MGAT4C: variants seen among roughly 807,000 people sequenced by gnomAD.
MGAT4C encodes MGAT4 family member C, also known as alpha-1,3-mannosyl-glycoprotein 4-beta-N-acetylglucosaminyltransferase C.
A neutral mutation model predicts 40.1 loss-of-function variants in MGAT4C; 19 were observed. That is an observed-to-expected ratio of 0.47 (90% CI 0.33 to 0.70). The LOEUF is 0.70. Among genes scored for constraint, MGAT4C ranks in the 30% least tolerant of loss-of-function variants. MGAT4C has a pLI of 0.02. For synonymous variants in MGAT4C, 181 were observed against 187.1 expected, an observed-to-expected ratio of 0.97 and a Z score of 0.27; for missense variants, 491 against 563.2, an observed-to-expected ratio of 0.87 and a Z score of 1.30.
chr12:86,670,410 A>G (rs1181241063), intron 2 of MGAT4C, among the ~76,000 whole-genome samples: 1 of 152,158 alleles, frequency 6.6e-6, no homozygotes, highest in African/African-American at 2.4e-5. Context: ...AAATAAACAA[A>G]AAAACTCATT....
intron 2 of MGAT4C, among the ~76,000 whole-genome samples, chr12:86,580,610 A>G (rs554861589): frequency 6.6e-5 from 10 of 151,606 alleles, no homozygotes; most frequent in African/African-American, 2.2e-4. Flanking sequence ...ACTTAAATTC[A>G]TCCTTGCTCA....
At chr12:86,248,096 A>T (rs1482464573) in intron 1 of MGAT4C, among the ~76,000 whole-genome samples, 1 of 152,172 alleles carries the variant, frequency 6.6e-6, no homozygotes, top group Middle Eastern at 3.4e-3. Flanking sequence ...GAATTTCCTA[A>T]GGCTTCTTGA....
intron 2 of MGAT4C, among the ~76,000 whole-genome samples, chr12:86,664,488 G>A (rs1009814236): frequency 3.3e-5 from 5 of 152,110 alleles, no homozygotes; most frequent in African/African-American, 1.2e-4. Context: ...AGACAATTCT[G>A]TAAATGTGTG....
chr12:86,713,566 A>G (rs1343780493), intron 2 of MGAT4C, among the ~76,000 whole-genome samples: 1 of 152,104 alleles, frequency 6.6e-6, no homozygotes, highest in Admixed American at 6.6e-5. Flanking sequence ...TGCTACAAGA[A>G]AGGATAGTTT....
intron 3 of MGAT4C, among the ~76,000 whole-genome samples, chr12:86,362,311 G>A (rs1955494443): frequency 1.3e-5 from 2 of 152,126 alleles, no homozygotes; most frequent in Admixed American, 1.3e-4. Context: ...CACAGGGTGG[G>A]GAACATCGCC....
intron 1 of MGAT4C, among the ~76,000 whole-genome samples, chr12:86,771,959 G>A (rs1041170179): frequency 6.6e-5 from 10 of 152,054 alleles, no homozygotes; most frequent in South Asian, 2.1e-4. Flanking sequence ...CCTTCTCCTT[G>A]TTGCTTATGG....
At chr12:86,014,784 C>G (rs75717871) in intron 2 of MGAT4C, among the ~76,000 whole-genome samples, 1 of 151,732 alleles carries the variant, frequency 6.6e-6, no homozygotes, top group Non-Finnish European at 1.5e-5. Context: ...CAATGAGGAG[C>G]GCCAAGGAGT....
At chr12:86,488,719 C>A (rs1958072610) in intron 2 of MGAT4C, among the ~76,000 whole-genome samples, 2 of 152,118 alleles carry the variant, frequency 1.3e-5, no homozygotes, top group African/African-American at 4.8e-5. Context: ...CACCCAAGAA[C>A]TTTCAAGCAT....
chr12:86,005,479 TA>T (rs1289385536), intron 2 of MGAT4C, among the ~76,000 whole-genome samples: 2 of 152,174 alleles, frequency 1.3e-5, no homozygotes, highest in African/African-American at 4.8e-5. Flanking sequence ...GTTAACTTTA[TA>T]ATAAGGAACA....
At position 86,694,208 on chromosome 12, in the gene MGAT4C, CT is replaced by C. The variant is rs529155793; in HGVS notation, c.-229+33000del. On this transcript the variant is annotated intron_variant, in intron 2 of 7. Coordinates refer to the MGAT4C transcript ENST00000548651. ...TATTTCAGATCTTCTTTTCTCTGCC[CT>C]AGTTACCACCTCTACATCAATTACC... 1.4e-3 allele frequency among the ~76,000 whole-genome samples: 208 copies of C among 152,162 alleles called. 1 individual carries two copies. The highest frequency in any genetic ancestry group is 4.9e-3 in the African/African-American group (202 of 41,550).
chr12:86,225,630 G>C (rs1951044808), intron 1 of MGAT4C, among the ~76,000 whole-genome samples: 1 of 151,996 alleles, frequency 6.6e-6, no homozygotes, highest in Non-Finnish European at 1.5e-5. Context: ...CAGATACAAG[G>C]GTGGTTCAAC....
At chr12:86,324,264 A>G (rs1312293785) in intron 4 of MGAT4C, among the ~76,000 whole-genome samples, 1 of 151,932 alleles carries the variant, frequency 6.6e-6, no homozygotes, top group Non-Finnish European at 1.5e-5. Flanking sequence ...GGTAGATAGC[A>G]CTGTTTAATA....
intron 2 of MGAT4C, among the ~76,000 whole-genome samples, chr12:86,553,278 G>A (rs986401350): frequency 2.6e-5 from 4 of 152,072 alleles, no homozygotes; most frequent in Middle Eastern, 3.4e-3. Context: ...ATTCTATATT[G>A]ACCTTGGGCC....
At chr12:86,590,001 C>A (rs1961254881) in intron 2 of MGAT4C, among the ~76,000 whole-genome samples, 1 of 151,838 alleles carries the variant, frequency 6.6e-6, no homozygotes, top group South Asian at 2.1e-4. Flanking sequence ...CTTCTAGAAG[C>A]ATAAAATTAA....
intron 1 of MGAT4C, among the ~76,000 whole-genome samples, chr12:86,073,407 A>T (rs1868991472): frequency 6.6e-6 from 1 of 152,182 alleles, no homozygotes; most frequent in Non-Finnish European, 1.5e-5. Flanking sequence ...AAGATACCTG[A>T]AAATGTGGAA....
At chr12:86,157,434 A>G (rs1885086862) in intron 1 of MGAT4C, among the ~76,000 whole-genome samples, 1 of 152,150 alleles carries the variant, frequency 6.6e-6, no homozygotes, top group Non-Finnish European at 1.5e-5. Flanking sequence ...TGTAATGCAA[A>G]TTAAATGTGT....
intron 1 of MGAT4C, among the ~76,000 whole-genome samples, chr12:86,745,465 T>G (rs1187214808): frequency 1.3e-5 from 2 of 151,672 alleles, no homozygotes; most frequent in Non-Finnish European, 3.0e-5. Context: ...TTTCTACTTC[T>G]TATTCTGGAG....
intron 1 of MGAT4C, among the ~76,000 whole-genome samples, chr12:86,103,135 T>C (rs943246188): frequency 6.6e-6 from 1 of 152,076 alleles, no homozygotes; most frequent in Non-Finnish European, 1.5e-5. Context: ...TTGACTGACT[T>C]AGATAATATA....
chr12:86,606,851 C>T (rs1336126167), intron 2 of MGAT4C, among the ~76,000 whole-genome samples: 1 of 152,078 alleles, frequency 6.6e-6, no homozygotes, highest in Non-Finnish European at 1.5e-5. Flanking sequence ...ATTATCTCTA[C>T]ATTACATGGC....
Sources: gnomAD v4.1 joint callset for allele counts (sites outside exome capture counted in the v4.1 genomes callset) on GRCh38, gnomAD v4.1.1 for gene constraint, MANE v1.5 for transcripts, NCBI Gene and HGNC (gene_info 2026-07-23, HGNC 2026-07-21) for gene names.